The following VAT1L variants were observed in gnomAD, a reference collection of about 807,000 sequenced individuals.
VAT1L encodes the protein putative NADPH-dependent quinone oxidoreductase VAT1L.
Under a neutral mutation model 44.1 loss-of-function variants are expected in VAT1L, and 34 were observed. The observed-to-expected ratio is 0.77, with a 90% CI of 0.59 to 1.03. The LOEUF is 1.03. Among genes scored for constraint, VAT1L ranks in the 50% least tolerant of loss-of-function variants. The pLI is 0.00. For synonymous variants in VAT1L, 253 were observed against 202.2 expected, an observed-to-expected ratio of 1.25 and a Z score of -2.13; for missense variants, 615 against 538.8, an observed-to-expected ratio of 1.14 and a Z score of -1.40.
At chr16:77,826,215 A>G (rs2016521486) in intron 3 of VAT1L, among the ~76,000 whole-genome samples, 1 of 151,804 alleles carries the variant, frequency 6.6e-6, no homozygotes. Context: ...TCAAAAAAAA[A>G]AAAAAAGAAA....
In VAT1L at chr16:77,977,822, TG is replaced by T. The variant is rs1202769521; in HGVS notation, c.*128del. On this transcript the variant is annotated 3_prime_UTR_variant, in exon 9 of 9. Transcript: ENST00000302536. ...CGTGTCGTGTTTGTCTGCAGTCAGC[TG>T]AGCTAAAAAGCTGTTGATCACTGTT... is the stretch of plus-strand genomic sequence containing the variant. The T allele has an allele frequency of 9.7e-6, 9 of 926,796 alleles. No homozygotes were observed. Among genetic ancestry groups the T allele is most frequent in the Middle Eastern group, 3.4e-4 (1 of 2,922 alleles). 57.4% of individuals were successfully genotyped at this position (926,796 alleles called of 1,614,324 possible).
intron 4 of VAT1L, among the ~76,000 whole-genome samples, chr16:77,864,988 T>C (rs75862895): frequency 6.8e-6 from 1 of 147,842 alleles, no homozygotes; most frequent in Admixed American, 6.7e-5. Flanking sequence ...TTTTTTTTTT[T>C]TTTGAGACGG....
At chr16:77,965,650 G>T (rs150553491) in intron 7 of VAT1L, among the ~76,000 whole-genome samples, 1 of 152,294 alleles carries the variant, frequency 6.6e-6, no homozygotes, top group African/African-American at 2.4e-5. Context: ...GACTGGGTGT[G>T]GGACCATGGT....
rs1309738440 is a variant in VAT1L at position 77,930,586 on chromosome 16, T to C, written c.1078-41264T>C. Among the ~76,000 whole-genome samples, 7 of 152,144 alleles carry C rather than the reference T, an allele frequency of 4.6e-5. No homozygotes were observed. In the East Asian group the frequency reaches 1.4e-3, roughly 29 times the overall value. ...TTCCAGGGCCCGTGCCCCGCTTATA[T>C]CTCAAGGTAGGTTCCGTAGCACTCA... is the stretch of plus-strand genomic sequence containing the variant. On this transcript the variant is annotated intron_variant, in intron 7 of 8. Coordinates refer to ENST00000302536, the MANE Select transcript of VAT1L (RefSeq NM_020927.3).
intron 2 of VAT1L, among the ~76,000 whole-genome samples, chr16:77,824,235 C>A (rs1373496659): frequency 6.6e-6 from 1 of 152,074 alleles, no homozygotes; most frequent in Admixed American, 6.6e-5. Context: ...CTGACACTTC[C>A]CAGGACTTTC....
At chr16:77,937,897 C>T (rs907579315) in intron 7 of VAT1L, among the ~76,000 whole-genome samples, 14 of 152,250 alleles carry the variant, frequency 9.2e-5, no homozygotes, top group African/African-American at 3.4e-4. Flanking sequence ...GGAAACTTGC[C>T]CAAATACTTA....
At chr16:77,823,988 A>C (rs554376475) in intron 2 of VAT1L, among the ~76,000 whole-genome samples, 1 of 152,094 alleles carries the variant, frequency 6.6e-6, no homozygotes, top group Non-Finnish European at 1.5e-5. Context: ...GTGCCATTGC[A>C]CTCCAGCCTG....
intron 7 of VAT1L, among the ~76,000 whole-genome samples, chr16:77,928,438 T>G (rs533213034): frequency 1.3e-5 from 2 of 152,334 alleles, no homozygotes; most frequent in South Asian, 4.1e-4. Context: ...TGGTCACTCA[T>G]CTTTTAAAAG....
At chr16:77,916,796 G>A (rs1023587143) in intron 7 of VAT1L, among the ~76,000 whole-genome samples, 13 of 134,190 alleles carry the variant, frequency 9.7e-5, no homozygotes, top group African/African-American at 3.2e-4. Flanking sequence ...ACTGCGCTTT[G>A]CTCTTTTTTT....
At chr16:77,923,379 G>A (rs2017633093) in intron 7 of VAT1L, among the ~76,000 whole-genome samples, 1 of 152,192 alleles carries the variant, frequency 6.6e-6, no homozygotes, top group Non-Finnish European at 1.5e-5. Context: ...GAACCCTGGA[G>A]GCAGAGGTTG....
chr16:77,825,133 C>T (rs537328565), intron 2 of VAT1L, 113 bp from the exon 3 acceptor site: 2 of 1,135,958 alleles, frequency 1.8e-6, no homozygotes, highest in South Asian at 1.4e-5. Context: ...TCCCAAAGTG[C>T]TGGGATTATA....
chr16:77,935,676 G>A (rs932791322), intron 7 of VAT1L, among the ~76,000 whole-genome samples: 1 of 152,098 alleles, frequency 6.6e-6, no homozygotes, highest in Non-Finnish European at 1.5e-5. Context: ...GGTTCAGACT[G>A]GTTGGATCGT....
Position 77,862,808 on chromosome 16 carries a change from T to A in VAT1L, c.640T>A (p.Ser214Thr), listed in dbSNP as rs140933136. 1.2e-6 allele frequency: 2 copies of A among 1,614,046 alleles called. No individual in the cohort carries two copies. The highest frequency in any genetic ancestry group is 1.7e-6 in the Non-Finnish European group (2 of 1,179,986). ...CAACGTGACTGTCTTTGGAACAGCC[T>A]CTACTTTCAAGCATGAAGCAATCAA... ...VPNVTVFGTA[S>T]TFKHEAIKDS... Residue 214 changes from serine to threonine, a missense_variant, in exon 4 of 9, where the codon TCT (serine) becomes ACT (threonine). Coordinates refer to ENST00000302536, the MANE Select transcript of VAT1L (RefSeq NM_020927.3).
At chr16:77,944,919 A>C (rs2142516425) in intron 7 of VAT1L, among the ~76,000 whole-genome samples, 1 of 151,810 alleles carries the variant, frequency 6.6e-6, no homozygotes, top group South Asian at 2.1e-4. Flanking sequence ...GCCCCCCGCC[A>C]CACACACACA....
intron 1 of VAT1L, among the ~76,000 whole-genome samples, chr16:77,802,622 ACACACACACACACAC>A (rs2016082029): frequency 2.1e-3 from 177 of 83,534 alleles, no homozygotes; most frequent in African/African-American, 5.9e-3. Flanking sequence ...TCAAACACAC[ACACACACACACACAC>A]ACACACACAC....
At chr16:77,832,264 A>G (rs2016588484) in intron 3 of VAT1L, among the ~76,000 whole-genome samples, 1 of 152,188 alleles carries the variant, frequency 6.6e-6, no homozygotes, top group African/African-American at 2.4e-5. Flanking sequence ...TTATTCCAAG[A>G]TAAAGAGTTG....
intron 7 of VAT1L, chr16:77,892,599 T>A: frequency 1.5e-6 from 1 of 659,096 alleles, no homozygotes; most frequent in South Asian, 1.4e-5. Context: ...ATTCCAGGGT[T>A]TATGTGTCAA....
rs536908779 is a variant in VAT1L, at chr16:77,958,463, C to T, written c.1078-13387C>T. On this transcript the variant is annotated intron_variant, in intron 7 of 8. Transcript: ENST00000302536. Reference sequence around the variant, plus strand: ...GTCTTTTATCCTCTTCCCCAGGTCTCACTCCCATGTAGGAATCAGCATCCC... The same window carrying T: ...GTCTTTTATCCTCTTCCCCAGGTCTTACTCCCATGTAGGAATCAGCATCCC... Among the ~76,000 whole-genome samples, 5 of 152,316 alleles carry T rather than the reference C, an allele frequency of 3.3e-5. No individual in the cohort carries two copies. In the South Asian group the frequency reaches 1.0e-3, roughly 32 times the overall value.
intron 7 of VAT1L, among the ~76,000 whole-genome samples, chr16:77,887,895 A>C (rs1008170570): frequency 1.3e-5 from 2 of 152,112 alleles, no homozygotes; most frequent in Non-Finnish European, 1.5e-5. Flanking sequence ...TACAGTCTAA[A>C]TTCCTCATTG....
Sources: allele counts gnomAD v4.1 joint callset (sites outside exome capture counted in the v4.1 genomes callset), GRCh38; gene constraint gnomAD v4.1.1; transcripts MANE v1.5; gene names NCBI Gene and HGNC (gene_info 2026-07-23, HGNC 2026-07-21).